The following SIX1 variants were observed in gnomAD, a reference collection of about 807,000 sequenced individuals.
SIX1 encodes SIX homeobox 1.
SIX1 carries 11 observed loss-of-function variants against 26.5 expected under a neutral mutation model. The observed-to-expected ratio is 0.41, with a 90% confidence interval of 0.26 to 0.69. The LOEUF (loss-of-function observed/expected upper bound fraction) is 0.69. Ranked by LOEUF, SIX1 falls within the 30% of genes least tolerant of loss-of-function variation. The pLI, the probability that SIX1 is intolerant of heterozygous loss-of-function variation, is 0.28. For synonymous variants in SIX1, 177 were observed against 166.2 expected (o/e 1.06, Z -0.50); for missense variants, 333 against 365.9 (o/e 0.91, Z 0.73).
Position 60,647,695 on chromosome 14 carries a change from C to T in SIX1, c.560+935G>A, listed in dbSNP as rs903937663. On this transcript the variant is annotated intron_variant, in intron 1 of 1. Coordinates refer to ENST00000645694, the MANE Select transcript of SIX1 (RefSeq NM_005982.4). The surrounding 1 kb of genome is among the most constrained non-coding windows in gnomAD (Gnocchi z 5.1). ...GGAAAACCTAACCGGCCCCTGCGCT[C>T]AGGTTTTCCCCCAAACTCTTTGGCT... is the stretch of plus-strand genomic sequence containing the variant. Among the ~76,000 whole-genome samples, 1 of 152,138 alleles carries T rather than the reference C, an allele frequency of 6.6e-6. No homozygotes were observed. The highest frequency in any genetic ancestry group is 6.5e-5 in the Admixed American group (1 of 15,268).
Position 60,649,000 on chromosome 14 carries a change from G to A in SIX1, c.190C>T (p.Arg64Cys), listed in dbSNP as rs1895008493. ...AVVAFHRGNF[R>C]ELYKILESHQ... is the part of the protein sequence containing the mutation. Reference sequence around the variant, plus strand: ...CTCTCCAGGATCTTGTAGAGCTCACGGAAGTTGCCGCGGTGGAAGGCGACC... The same window carrying A: ...CTCTCCAGGATCTTGTAGAGCTCACAGAAGTTGCCGCGGTGGAAGGCGACC... Residue 64 changes from arginine (R) to cysteine (C), a missense_variant, in exon 1 of 2, where the codon CGT (arginine) becomes TGT (cysteine). Arg to Cys is a radical substitution (Grantham distance 180, BLOSUM62 -3). Coordinates refer to ENST00000645694, the MANE Select transcript of SIX1 (RefSeq NM_005982.4). The surrounding 1 kb of genome is among the most constrained non-coding windows in gnomAD (Gnocchi z 7.9). 6.2e-7 allele frequency: 1 copy of A among 1,614,164 alleles called. No individual in the cohort carries two copies. The highest frequency in any genetic ancestry group is 1.3e-5 in the African/African-American group (1 of 75,062).
chr14:60,644,526 C>T lies in SIX1; in HGVS notation c.*1757G>A, dbSNP rs1894908154. The T allele has an allele frequency of 6.6e-6, 1 of 152,068 alleles. No homozygotes were observed. The highest frequency in any genetic ancestry group is 2.1e-4 in the South Asian group (1 of 4,822). The allele number at this position is 152,068 out of a possible 1,614,324, so 9.4% of individuals were successfully genotyped here. ...AAAATAAGGCCTTGATTTCCCCAAGCACACCTCAGTTTTCTAGACCAGAAC... is the reference window on the plus strand; with the variant it reads ...AAAATAAGGCCTTGATTTCCCCAAGTACACCTCAGTTTTCTAGACCAGAAC... On this transcript the variant is annotated 3_prime_UTR_variant, in exon 2 of 2. Transcript: ENST00000645694.
Position 60,649,251 on chromosome 14 carries a change from A to C in SIX1, c.-62T>G. 6.6e-7 allele frequency: 1 copy of C among 1,509,238 alleles called. No individual in the cohort carries two copies. Among genetic ancestry groups the C allele is most frequent in the Non-Finnish European group, 9.0e-7 (1 of 1,114,798 alleles). The allele number at this position is 1,509,238 out of a possible 1,614,324, so 93.5% of individuals were successfully genotyped here. A position where few individuals can be genotyped will look rare whatever the true frequency, so the allele number is the denominator to read the frequency against. ...GCGGCAGGGAGCAGAGCCGAGAGGC[A>C]GGGGGCGGCGGCCGCAGGGAGGGGG... On this transcript the variant is annotated 5_prime_UTR_variant, in exon 1 of 2. Transcript: ENST00000645694. The surrounding 1 kb of genome is among the most constrained non-coding windows in gnomAD (Gnocchi z 5.1).
At position 60,649,428 on chromosome 14, in the gene SIX1, G is replaced by A. The variant is rs1333770959; in HGVS notation, c.-239C>T. ...CGCACTCAGTAGCCTTTAAGGCCTTGCTGCCTCCGACCTCCCGCCCGGTGG... is the reference window on the plus strand; with the variant it reads ...CGCACTCAGTAGCCTTTAAGGCCTTACTGCCTCCGACCTCCCGCCCGGTGG... On this transcript the variant is annotated 5_prime_UTR_variant, in exon 1 of 2. Coordinates refer to ENST00000645694, the MANE Select transcript of SIX1 (RefSeq NM_005982.4). The surrounding 1 kb of genome is among the most constrained non-coding windows in gnomAD (Gnocchi z 5.1). 2.1e-6 allele frequency: 1 copy of A among 470,366 alleles called. No homozygotes were observed. Among genetic ancestry groups the A allele is most frequent in the East Asian group, 3.4e-5 (1 of 29,024 alleles). The allele number at this position is 470,366 out of a possible 1,614,324, so 29.1% of individuals were successfully genotyped here. A position where few individuals can be genotyped will look rare whatever the true frequency, so the allele number is the denominator to read the frequency against.
rs779091171 is a variant in SIX1, at chr14:60,649,226, G to A, written c.-37C>T. ...GCCGGGGCGCACGGCCCAGGCGCAC[G>A]CGGCAGGGAGCAGAGCCGAGAGGCA... On this transcript the variant is annotated 5_prime_UTR_variant, in exon 1 of 2. Transcript: ENST00000645694. The surrounding 1 kb of genome is among the most constrained non-coding windows in gnomAD (Gnocchi z 5.1). 10 of 1,587,408 alleles carry A rather than the reference G, an allele frequency of 6.3e-6. No homozygotes were observed. In the Admixed American group the frequency reaches 1.0e-4, roughly 16 times the overall value.
chr14:60,646,607 T>A lies in SIX1; in HGVS notation c.561-30A>T, dbSNP rs1594671875. On this transcript the variant is annotated intron_variant, in intron 1 of 1. Coordinates refer to ENST00000645694, the MANE Select transcript of SIX1 (RefSeq NM_005982.4). ...GAAATAGAGGACAACACCATATGGT[T>A]AAAAAAAAAAAAAAAAAAAAAAAGT... The A allele has an allele frequency of 1.0e-4, 83 of 831,498 alleles. No individual in the cohort carries two copies. Among genetic ancestry groups the A allele is most frequent in the South Asian group, 5.1e-4 (26 of 50,920 alleles). 51.5% of individuals were successfully genotyped at this position (831,498 alleles called of 1,614,324 possible). A position where few individuals can be genotyped will look rare whatever the true frequency, so the allele number is the denominator to read the frequency against.
Position 60,649,445 on chromosome 14 carries a change from GC to G in SIX1, c.-257del. ...AAGGCCTTGCTGCCTCCGACCTCCC[GC>G]CCGGTGGATGCTGCTAGTTGCCGGG... On this transcript the variant is annotated 5_prime_UTR_variant, in exon 1 of 2. Coordinates refer to ENST00000645694, the MANE Select transcript of SIX1 (RefSeq NM_005982.4). The surrounding 1 kb of genome is among the most constrained non-coding windows in gnomAD (Gnocchi z 5.1). The G allele has an allele frequency of 2.3e-6, 1 of 427,480 alleles. No homozygotes were observed. The highest frequency in any genetic ancestry group is 4.1e-6 in the Non-Finnish European group (1 of 241,296). 26.5% of individuals were successfully genotyped at this position (427,480 alleles called of 1,614,324 possible).
chr14:60,649,075 C>T lies in SIX1; in HGVS notation c.115G>A (p.Ala39Thr), dbSNP rs1431824329. Residue 39 changes from alanine (A) to threonine (T), a missense_variant, in exon 1 of 2, where the codon GCC (alanine) becomes ACC (threonine). Ala to Thr is a moderately conservative substitution (Grantham distance 58). Coordinates refer to ENST00000645694, the MANE Select transcript of SIX1 (RefSeq NM_005982.4). This position sits in a 1 kb window ranked among gnomAD's most constrained non-coding sequence, Gnocchi z 5.1. Reference protein sequence around the residue: ...RLGRFLWSLPACDHLHKNESV... With the variant: ...RLGRFLWSLPTCDHLHKNESV... ...TCGTTCTTGTGCAGGTGGTCGCAGG[C>T]GGGCAGTGACCACAGGAACCTGCCC... 6.2e-7 allele frequency: 1 copy of T among 1,613,622 alleles called. No individual in the cohort carries two copies. The highest frequency in any genetic ancestry group is 1.1e-5 in the South Asian group (1 of 91,066).
chr14:60,648,042 A>G lies in SIX1; in HGVS notation c.560+588T>C, dbSNP rs1193988496. Reference sequence around the variant, plus strand: ...GCGCCGGGGAGTAAATGCAGCGCCAACTCTCCCCAAAGCTCTCTTTTTGTT... The same window carrying G: ...GCGCCGGGGAGTAAATGCAGCGCCAGCTCTCCCCAAAGCTCTCTTTTTGTT... On this transcript the variant is annotated intron_variant, in intron 1 of 1. Transcript: ENST00000645694. This position sits in a 1 kb window ranked among gnomAD's most constrained non-coding sequence, Gnocchi z 7.9. Among the ~76,000 whole-genome samples the G allele has an allele frequency of 6.6e-6, 1 of 151,914 alleles. No individual in the cohort carries two copies. Among genetic ancestry groups the G allele is most frequent in the Non-Finnish European group, 1.5e-5 (1 of 67,988 alleles).
Position 60,648,383 on chromosome 14 carries a change from C to T in SIX1, c.560+247G>A, listed in dbSNP as rs1387540845. 6.6e-6 allele frequency among the ~76,000 whole-genome samples: 1 copy of T among 152,322 alleles called. No individual in the cohort carries two copies. Among genetic ancestry groups the T allele is most frequent in the African/African-American group, 2.4e-5 (1 of 41,572 alleles). ...AGACCAAATCTAGCGCCAATATTTCCCGACACTCACATCCCAGAGAAACCC... is the reference window on the plus strand; with the variant it reads ...AGACCAAATCTAGCGCCAATATTTCTCGACACTCACATCCCAGAGAAACCC... On this transcript the variant is annotated intron_variant, in intron 1 of 1. Transcript: ENST00000645694. The surrounding 1 kb of genome is among the most constrained non-coding windows in gnomAD (Gnocchi z 7.9).
Position 60,649,060 on chromosome 14 carries a change from G to A in SIX1, c.130C>T (p.His44Tyr). 6.2e-7 allele frequency: 1 copy of A among 1,613,846 alleles called. No homozygotes were observed. Among genetic ancestry groups the A allele is most frequent in the Non-Finnish European group, 8.5e-7 (1 of 1,179,968 alleles). ...GCCTTGAGTACGCTCTCGTTCTTGT[G>A]CAGGTGGTCGCAGGCGGGCAGTGAC... ...LWSLPACDHLHKNESVLKAKA... is the reference protein window; with the variant it reads ...LWSLPACDHLYKNESVLKAKA... The change falls in exon 1 of 2, where the codon CAC (histidine) becomes TAC (tyrosine). Residue 44 changes from histidine to tyrosine, a missense_variant. His to Tyr is a moderately conservative substitution (Grantham distance 83). This residue lies in a region of SIX1 where 133 missense variants were observed against 131.8 expected (regional missense o/e 1.01). Transcript: ENST00000645694. The surrounding 1 kb of genome is among the most constrained non-coding windows in gnomAD (Gnocchi z 5.1).
rs1895021052 is a variant in SIX1, at chr14:60,649,401, G to A, written c.-212C>T. The A allele has an allele frequency of 1.0e-5, 6 of 575,642 alleles. No individual in the cohort carries two copies. Among genetic ancestry groups the A allele is most frequent in the African/African-American group, 1.9e-5 (1 of 52,540 alleles). 35.7% of individuals were successfully genotyped at this position (575,642 alleles called of 1,614,324 possible). ...GGGAGGTTCTGGACACGGAACGGCC[G>A]GCGCACTCAGTAGCCTTTAAGGCCT... On this transcript the variant is annotated 5_prime_UTR_variant, in exon 1 of 2. Coordinates refer to ENST00000645694, the MANE Select transcript of SIX1 (RefSeq NM_005982.4). This position sits in a 1 kb window ranked among gnomAD's most constrained non-coding sequence, Gnocchi z 5.1.
rs927895868 is a variant in SIX1, at chr14:60,644,617, A to C, written c.*1666T>G. Reference sequence around the variant, plus strand: ...TGACAATTATAGATGGGAAAAAATCAAAATTATGAAACTGTCATGTCAGAA... The same window carrying C: ...TGACAATTATAGATGGGAAAAAATCCAAATTATGAAACTGTCATGTCAGAA... On this transcript the variant is annotated 3_prime_UTR_variant, in exon 2 of 2. Transcript: ENST00000645694. 1 of 152,260 alleles carries C rather than the reference A, an allele frequency of 6.6e-6. No homozygotes were observed. The highest frequency in any genetic ancestry group is 2.4e-5 in the African/African-American group (1 of 41,472). The allele number at this position is 152,260 out of a possible 1,614,324, so 9.4% of individuals were successfully genotyped here. A position where few individuals can be genotyped will look rare whatever the true frequency, so the allele number is the denominator to read the frequency against.
At position 60,648,765 on chromosome 14, in the gene SIX1, C is replaced by T; in HGVS notation, c.425G>A (p.Trp142Ter). ...KEKSRGVLRE[W>*]YAHNPYPSPR... is the part of the protein sequence containing the mutation. ...CGATGGGTAGGGATTGTGCGCGTAC[C>T]ACTCCCGCAGGACACCCCTCGACTT... is the stretch of plus-strand genomic sequence containing the variant. Residue 142 changes from tryptophan (W) to a stop codon, truncating the protein, a stop_gained, in exon 1 of 2, where the codon TGG (tryptophan) becomes TAG (stop). Coordinates refer to ENST00000645694, the MANE Select transcript of SIX1 (RefSeq NM_005982.4). LOFTEE classifies it high-confidence loss of function. The surrounding 1 kb of genome is among the most constrained non-coding windows in gnomAD (Gnocchi z 7.9). The T allele has an allele frequency of 6.2e-7, 1 of 1,614,126 alleles. No homozygotes were observed.
In SIX1 at chr14:60,646,255, T is replaced by C; in HGVS notation, c.*28A>G. The C allele has an allele frequency of 6.2e-7, 1 of 1,606,160 alleles. No homozygotes were observed. Among genetic ancestry groups the C allele is most frequent in the Non-Finnish European group, 8.5e-7 (1 of 1,175,584 alleles). On this transcript the variant is annotated 3_prime_UTR_variant, in exon 2 of 2. Coordinates refer to ENST00000645694, the MANE Select transcript of SIX1 (RefSeq NM_005982.4). ...GCTGCAGTGGTTGCTGCTCCAGGAA[T>C]CCCTTCGAGGCCCCAGTCCCTCCCC...
Position 60,644,212 on chromosome 14 carries a change from TGAG to T in SIX1, c.*2068_*2070del, listed in dbSNP as rs1400587857. Reference sequence around the variant, plus strand: ...TTTTGGGGAGTGAATGTGAAGAATGTGAGGAGATTCCCTGTGAGAGCCCCTCCT... The same window carrying T: ...TTTTGGGGAGTGAATGTGAAGAATGTGAGATTCCCTGTGAGAGCCCCTCCT... On this transcript the variant is annotated 3_prime_UTR_variant, in exon 2 of 2. Transcript: ENST00000645694. 6.6e-6 allele frequency: 1 copy of T among 152,260 alleles called. No homozygotes were observed. Among genetic ancestry groups the T allele is most frequent in the Non-Finnish European group, 1.5e-5 (1 of 68,068 alleles). 9.4% of individuals were successfully genotyped at this position (152,260 alleles called of 1,614,324 possible).
rs1439668675 is a variant in SIX1 at position 60,648,610 on chromosome 14, G to C, written c.560+20C>G. On this transcript the variant is annotated intron_variant, in intron 1 of 1. Transcript: ENST00000645694. This position sits in a 1 kb window ranked among gnomAD's most constrained non-coding sequence, Gnocchi z 7.9. ...ACGGCTTCCTAGGGTCGCCCGAGTC[G>C]CGGGAAGCACGCCGCGTACCTTTCC... The C allele has an allele frequency of 6.3e-7, 1 of 1,599,724 alleles. No homozygotes were observed. The highest frequency in any genetic ancestry group is 8.5e-7 in the Non-Finnish European group (1 of 1,172,782).
rs751941823 is a variant in SIX1 at position 60,646,546 on chromosome 14, TGGA to T, written c.589_591del (p.Ser197del). On this transcript the variant is annotated inframe_deletion, in exon 2 of 2. Transcript: ENST00000645694. Reference sequence around the variant, plus strand: ...AGAGGAGAGAGTTGGTTCTGCTTGTTGGAGGAGGAGTTATTGTTTTCGGTGTTC... The same window carrying T: ...AGAGGAGAGAGTTGGTTCTGCTTGTTGGAGGAGTTATTGTTTTCGGTGTTC... 3.1e-6 allele frequency: 5 copies of T among 1,609,942 alleles called. No individual in the cohort carries two copies. The highest frequency in any genetic ancestry group is 2.2e-5 in the East Asian group (1 of 44,774).
In SIX1 at chr14:60,649,090, G is replaced by A; in HGVS notation, c.100C>T (p.Leu34=). ...GGNLERLGRF[L]WSLPACDHLH... is the part of the protein sequence containing the mutation. ...TGGTCGCAGGCGGGCAGTGACCACA[G>A]GAACCTGCCCAGGCGCTCCAGGTTT... Residue 34 remains leucine, a synonymous_variant, in exon 1 of 2, where the codon CTG becomes TTG. Transcript: ENST00000645694. The surrounding 1 kb of genome is among the most constrained non-coding windows in gnomAD (Gnocchi z 5.1). 4 of 1,613,570 alleles carry A rather than the reference G, an allele frequency of 2.5e-6. No homozygotes were observed. The highest frequency in any genetic ancestry group is 1.1e-5 in the South Asian group (1 of 91,072).
Sources: allele counts gnomAD v4.1 joint callset (sites outside exome capture counted in the v4.1 genomes callset), GRCh38; gene constraint gnomAD v4.1.1; regional missense constraint gnomAD v4.1.1; non-coding constraint Gnocchi (gnomAD v3.1); transcripts MANE v1.5; gene names NCBI Gene and HGNC (gene_info 2026-07-23, HGNC 2026-07-21).